The following ADAM19 variants were observed in gnomAD, a reference collection of about 807,000 sequenced individuals.
The protein encoded by ADAM19 is ADAM metallopeptidase domain 19.
A neutral mutation model predicts 114.7 loss-of-function variants in ADAM19; 65 were observed. The observed-to-expected ratio is 0.57, with a 90% CI of 0.46 to 0.70. The LOEUF is 0.70. Ranked by LOEUF, ADAM19 falls within the 30% of genes least tolerant of loss-of-function variation. ADAM19 has a pLI of 0.00. For missense variants in ADAM19, 1,063 were observed against 1,204.7 expected, an observed-to-expected ratio of 0.88 and a Z score of 1.74; for synonymous variants, 466 against 460.5, an observed-to-expected ratio of 1.01 and a Z score of -0.15.
At chr5:157,500,960 C>G (rs927732071) in intron 12 of ADAM19, among the ~76,000 whole-genome samples, 36 of 152,284 alleles carry the variant, frequency 2.4e-4, no homozygotes, top group African/African-American at 8.4e-4. Context: ...AGTCCAGTAG[C>G]TGGCCGAGGG....
intron 3 of ADAM19, among the ~76,000 whole-genome samples, chr5:157,558,532 C>A (rs1313291972): frequency 6.6e-6 from 1 of 152,158 alleles, no homozygotes; most frequent in African/African-American, 2.4e-5. Context: ...CATTGGGATA[C>A]CATCTAAGCC....
At chr5:157,489,238 G>C in intron 19 of ADAM19, 52 bp from the exon 20 acceptor site, 1 of 1,336,902 alleles carries the variant, frequency 7.5e-7, no homozygotes, top group Non-Finnish European at 1.1e-6. Flanking sequence ...TTCAGCAGGG[G>C]ACAGTGCCTG....
intron 2 of ADAM19, chr5:157,568,150 AT>A (rs1179616716): frequency 6.6e-6 from 1 of 151,936 alleles, no homozygotes; most frequent in Non-Finnish European, 1.5e-5. Context: ...AATCTTTGTA[AT>A]TTTAGTAGAC....
intron 3 of ADAM19, among the ~76,000 whole-genome samples, chr5:157,557,127 C>T (rs553857197): frequency 3.9e-5 from 6 of 152,198 alleles, no homozygotes; most frequent in African/African-American, 1.2e-4. Context: ...AGGCTGGTCT[C>T]GAACTCCTGG....
chr5:157,525,947 T>A (rs1581328651), intron 5 of ADAM19, among the ~76,000 whole-genome samples: 4 of 152,140 alleles, frequency 2.6e-5, no homozygotes, highest in Admixed American at 2.6e-4. Flanking sequence ...GGGTGATCCA[T>A]CAAATAGACC....
chr5:157,530,407 C>T (rs576754958), intron 5 of ADAM19, among the ~76,000 whole-genome samples: 1 of 152,312 alleles, frequency 6.6e-6, no homozygotes, highest in Admixed American at 6.5e-5. Context: ...ACAAGAAGGG[C>T]GTCTGCTGAC....
Position 157,494,778 on chromosome 5 carries a change from CA to C in ADAM19, c.1611del (p.Asp538ThrfsTer7). 1 of 1,613,712 alleles carries C rather than the reference CA, an allele frequency of 6.2e-7. No homozygotes were observed. Among genetic ancestry groups the C allele is most frequent in the Non-Finnish European group, 8.5e-7 (1 of 1,179,734 alleles). On this transcript the variant is annotated frameshift_variant, in exon 15 of 23. Coordinates refer to ENST00000257527, the MANE Select transcript of ADAM19 (RefSeq NM_033274.5). LOFTEE classifies it high-confidence loss of function. Reference protein sequence around the residue: ...QLWGPGARPAPDLCFEKVNVA... With the variant: ...QLWGPGARPAXDLCFEKVNVA... ...ACATTCACCTTCTCGAAGCAGAGGT[CA>C]GGGGCAGGTCGGGCTCCTGGGTGGG...
intron 8 of ADAM19, among the ~76,000 whole-genome samples, 193 bp from the exon 9 acceptor site, chr5:157,509,660 T>C (rs765701548): frequency 4.6e-5 from 7 of 152,220 alleles, no homozygotes; most frequent in African/African-American, 7.2e-5. Context: ...CTTCTGCCCA[T>C]GGCTCCAACA....
chr5:157,532,823 A>C (rs1756662316), intron 4 of ADAM19, among the ~76,000 whole-genome samples: 1 of 152,198 alleles, frequency 6.6e-6, no homozygotes, highest in African/African-American at 2.4e-5. Context: ...AATTAAATTC[A>C]AACATTTTGG....
At chr5:157,564,640 T>C (rs1444736579) in intron 2 of ADAM19, among the ~76,000 whole-genome samples, 197 bp from the exon 3 acceptor site, 2 of 152,176 alleles carry the variant, frequency 1.3e-5, no homozygotes, top group African/African-American at 4.8e-5. Flanking sequence ...TGCTTTCTCC[T>C]GAAAGGCATA....
Position 157,480,366 on chromosome 5 carries a change from G to A in ADAM19, c.*583C>T. Reference sequence around the variant, plus strand: ...TGCAGGGGTTTGGGGAGAGGTGGGAGGGGACGTGGCTTGTCACATGCAGCC... The same window carrying A: ...TGCAGGGGTTTGGGGAGAGGTGGGAAGGGACGTGGCTTGTCACATGCAGCC... On this transcript the variant is annotated 3_prime_UTR_variant, in exon 23 of 23. Transcript: ENST00000257527. 1 of 987,682 alleles carries A rather than the reference G, an allele frequency of 1.0e-6. No homozygotes were observed. Among genetic ancestry groups the A allele is most frequent in the Non-Finnish European group, 1.2e-6 (1 of 831,572 alleles). 61.2% of individuals were successfully genotyped at this position (987,682 alleles called of 1,614,324 possible).
At position 157,491,916 on chromosome 5, in the gene ADAM19, C is replaced by T. The variant is rs746346343; in HGVS notation, c.1909-4G>A. On this transcript the variant is annotated splice_polypyrimidine_tract_variant and splice_region_variant and intron_variant, in intron 16 of 22. Coordinates refer to ENST00000257527, the MANE Select transcript of ADAM19 (RefSeq NM_033274.5). ...TGCACTGCCCCTCAAAGCAAATCTG[C>T]ACGGAGAGAAAACAGAACGATCAGT... 14 of 1,613,918 alleles carry T rather than the reference C, an allele frequency of 8.7e-6. No homozygotes were observed. In the Admixed American group the frequency reaches 2.2e-4, roughly 25 times the overall value.
chr5:157,509,428 A>G lies in ADAM19; in HGVS notation c.778T>C (p.Leu260=). Residue 260 remains leucine, a synonymous_variant, in exon 9 of 23, where the codon TTG becomes CTG. Transcript: ENST00000257527. ...ATGTTCCCGTGGGTCCACACTTCCA[A>G]GCCCACGAGAGCAATCCGGATGTTC... is the stretch of plus-strand genomic sequence containing the variant. ...SLNIRIALVG[L]EVWTHGNMCE... 2 of 1,610,718 alleles carry G rather than the reference A, an allele frequency of 1.2e-6. No individual in the cohort carries two copies. Among genetic ancestry groups the G allele is most frequent in the African/African-American group, 2.7e-5 (2 of 75,016 alleles).
chr5:157,529,270 C>A (rs187541231), intron 5 of ADAM19, among the ~76,000 whole-genome samples: 49 of 149,368 alleles, frequency 3.3e-4, no homozygotes, highest in African/African-American at 1.1e-3. Context: ...AAAACCCAGG[C>A]AATTAGTATA....
At chr5:157,567,269 G>A (rs868418716) in intron 2 of ADAM19, among the ~76,000 whole-genome samples, 6 of 152,298 alleles carry the variant, frequency 3.9e-5, no homozygotes, top group South Asian at 2.1e-4. Flanking sequence ...CTAATTAATC[G>A]TATTACTTCA....
intron 4 of ADAM19, among the ~76,000 whole-genome samples, chr5:157,531,217 G>A (rs1454273443): frequency 6.6e-6 from 1 of 152,056 alleles, no homozygotes; most frequent in East Asian, 1.9e-4. Context: ...TGTTTTCTGT[G>A]GCCAAAAGCA....
At chr5:157,569,310 C>CTA (rs760663402) in intron 2 of ADAM19, among the ~76,000 whole-genome samples, 1 of 143,114 alleles carries the variant, frequency 7.0e-6, no homozygotes, top group Non-Finnish European at 1.5e-5. Flanking sequence ...GCTGATGCGA[C>CTA]TATATCTTAC....
intron 1 of ADAM19, among the ~76,000 whole-genome samples, chr5:157,573,448 A>T (rs1192986493): frequency 6.6e-6 from 1 of 152,226 alleles, no homozygotes. Flanking sequence ...ATTTCAGCAT[A>T]GTAAAAAGAT....
chr5:157,522,308 C>CTTTA (rs1756320419), intron 5 of ADAM19, among the ~76,000 whole-genome samples: 1 of 151,578 alleles, frequency 6.6e-6, no homozygotes, highest in Non-Finnish European at 1.5e-5. Flanking sequence ...GTTTCATCAA[C>CTTTA]TTTTAAGTTC....
Sources: gnomAD v4.1 joint callset for allele counts (sites outside exome capture counted in the v4.1 genomes callset) on GRCh38, gnomAD v4.1.1 for gene constraint, MANE v1.5 for transcripts, NCBI Gene and HGNC (gene_info 2026-07-23, HGNC 2026-07-21) for gene names.